Variants in DPYD observed in about 807,000 individuals in gnomAD.
DPYD encodes dihydropyrimidine dehydrogenase.
In DPYD, 109 loss-of-function variants were observed where a neutral mutation model predicts 116.2. The ratio of observed to expected loss-of-function variants is 0.94; its 90% confidence interval spans 0.80 to 1.10. The LOEUF is 1.10. DPYD is among the 50% of genes least tolerant of loss of function. The pLI, the probability that DPYD is intolerant of heterozygous loss-of-function variation, is 0.00. For synonymous variants in DPYD, 440 were observed against 432.0 expected, an observed-to-expected ratio of 1.02 and a Z score of -0.23; for missense variants, 1,302 against 1,254.5, an observed-to-expected ratio of 1.04 and a Z score of -0.57.
intron 13 of DPYD, among the ~76,000 whole-genome samples, chr1:97,470,246 C>G (rs143979894): frequency 2.0e-5 from 3 of 151,946 alleles, no homozygotes; most frequent in African/African-American, 7.3e-5. Flanking sequence ...ATTTTACTAT[C>G]TGTGCCACCC....
At chr1:97,373,409 T>C (rs1671411436) in intron 16 of DPYD, 152 bp downstream of exon 16, 1 of 638,062 alleles carries the variant, frequency 1.6e-6, no homozygotes, top group Non-Finnish European at 2.7e-6. Flanking sequence ...TTTTCCACTT[T>C]TTAAACACTA....
At chr1:97,195,958 A>G (rs1367557619) in intron 19 of DPYD, among the ~76,000 whole-genome samples, 1 of 151,808 alleles carries the variant, frequency 6.6e-6, no homozygotes, top group Non-Finnish European at 1.5e-5. Flanking sequence ...AATGGAGTAG[A>G]TGCCGGTTTT....
At chr1:97,109,418 C>T (rs1002975173) in intron 20 of DPYD, among the ~76,000 whole-genome samples, 1 of 151,844 alleles carries the variant, frequency 6.6e-6, no homozygotes, top group African/African-American at 2.4e-5. Flanking sequence ...GCTTTCATGG[C>T]TAAATGTTGC....
chr1:97,670,618 C>A (rs1659809775), intron 8 of DPYD, among the ~76,000 whole-genome samples: 1 of 152,152 alleles, frequency 6.6e-6, no homozygotes. Context: ...TGAAGCCACC[C>A]AGTCTATGCT....
At chr1:97,224,414 C>A (rs536233289) in intron 19 of DPYD, among the ~76,000 whole-genome samples, 6 of 152,114 alleles carry the variant, frequency 3.9e-5, no homozygotes, top group Non-Finnish European at 8.8e-5. Flanking sequence ...AAGTGTACTG[C>A]ATGATGTTTT....
At chr1:97,886,538 T>C (rs964968830) in intron 1 of DPYD, among the ~76,000 whole-genome samples, 4 of 152,072 alleles carry the variant, frequency 2.6e-5, no homozygotes, top group Non-Finnish European at 4.4e-5. Context: ...CTAGAGGCTA[T>C]TGCCTATACC....
intron 16 of DPYD, among the ~76,000 whole-genome samples, chr1:97,373,306 A>G (rs1372030434): frequency 6.6e-6 from 1 of 152,186 alleles, no homozygotes; most frequent in Non-Finnish European, 1.5e-5. Flanking sequence ...CGCTTTTAAA[A>G]ACTATTTGTT....
intron 3 of DPYD, among the ~76,000 whole-genome samples, chr1:97,799,135 G>C (rs1037788998): frequency 4.0e-5 from 6 of 151,888 alleles, no homozygotes; most frequent in African/African-American, 1.5e-4. Context: ...CATCCACACT[G>C]ACTTCTTTAG....
At chr1:97,607,800 C>T (rs189406734) in intron 8 of DPYD, among the ~76,000 whole-genome samples, 6 of 151,954 alleles carry the variant, frequency 3.9e-5, no homozygotes, top group Non-Finnish European at 5.9e-5. Flanking sequence ...CATTATACAG[C>T]GCATAACACT....
intron 19 of DPYD, among the ~76,000 whole-genome samples, chr1:97,206,042 T>G (rs1219556757): frequency 6.6e-6 from 1 of 152,034 alleles, no homozygotes; most frequent in East Asian, 1.9e-4. Context: ...AGTTTAACCC[T>G]TTTATGATAA....
At chr1:97,685,397 G>A (rs538476536) in intron 7 of DPYD, among the ~76,000 whole-genome samples, 1 of 152,164 alleles carries the variant, frequency 6.6e-6, no homozygotes, top group South Asian at 2.1e-4. Flanking sequence ...TACCAAATGG[G>A]CAAAAGCTGG....
chr1:97,735,434 T>C (rs922892502), intron 4 of DPYD, among the ~76,000 whole-genome samples: 2 of 150,484 alleles, frequency 1.3e-5, no homozygotes, highest in African/African-American at 4.9e-5. Flanking sequence ...CCCAGCACTT[T>C]GGGAGGCCAA....
intron 13 of DPYD, among the ~76,000 whole-genome samples, chr1:97,468,150 A>C (rs912819075): frequency 2.6e-5 from 4 of 152,200 alleles, no homozygotes; most frequent in African/African-American, 9.7e-5. Flanking sequence ...TTATTTATGG[A>C]CACTAAAATT....
chr1:97,734,554 T>A (rs965433192), intron 4 of DPYD, among the ~76,000 whole-genome samples: 3 of 152,184 alleles, frequency 2.0e-5, no homozygotes, highest in African/African-American at 7.2e-5. Flanking sequence ...GGGTTTTTTA[T>A]CAGTTTAGAC....
intron 14 of DPYD, among the ~76,000 whole-genome samples, chr1:97,427,596 C>G (rs1012535761): frequency 6.6e-6 from 1 of 151,948 alleles, no homozygotes; most frequent in Non-Finnish European, 1.5e-5. Context: ...GCATTCTCTC[C>G]CTTCCTCTTT....
At chr1:97,728,858 C>T (rs1175205873) in intron 4 of DPYD, among the ~76,000 whole-genome samples, 1 of 151,968 alleles carries the variant, frequency 6.6e-6, no homozygotes, top group African/African-American at 2.4e-5. Flanking sequence ...AATGAACAAC[C>T]TGTGGGTCCT....
At chr1:97,562,905 A>C (rs1166841392) in intron 11 of DPYD, among the ~76,000 whole-genome samples, 2 of 151,954 alleles carry the variant, frequency 1.3e-5, no homozygotes, top group Non-Finnish European at 2.9e-5. Context: ...TTTTCAGTAG[A>C]GACAGGGTTT....
At chr1:97,306,619 CTT>C (rs1212670936) in intron 16 of DPYD, among the ~76,000 whole-genome samples, 1 of 151,832 alleles carries the variant, frequency 6.6e-6, no homozygotes, top group Non-Finnish European at 1.5e-5. Flanking sequence ...GAAACACAAA[CTT>C]TTGATGTTAA....
intron 3 of DPYD, among the ~76,000 whole-genome samples, chr1:97,827,547 T>C (rs1343791762): frequency 1.3e-5 from 2 of 152,018 alleles, no homozygotes; most frequent in Non-Finnish European, 2.9e-5. Context: ...TTCATATAAA[T>C]ATTCAGAATT....
Sources: allele counts gnomAD v4.1 joint callset (sites outside exome capture counted in the v4.1 genomes callset), GRCh38; gene constraint gnomAD v4.1.1; transcripts MANE v1.5; gene names NCBI Gene and HGNC (gene_info 2026-07-23, HGNC 2026-07-21).